GPC5: variants seen among roughly 807,000 people sequenced by gnomAD.
The protein encoded by GPC5 is glypican 5.
In GPC5, 47 loss-of-function variants were observed where a neutral mutation model predicts 53.9. That is an observed-to-expected ratio of 0.87 (90% CI 0.69 to 1.11). The LOEUF is 1.11. Among genes scored for constraint, GPC5 ranks in the 50% most tolerant of loss-of-function variants. GPC5 has a pLI of 0.00. For missense variants in GPC5, 748 were observed against 713.1 expected (o/e 1.05, Z -0.56); for synonymous variants, 286 against 263.3 (o/e 1.09, Z -0.84).
chr13:92,656,875 G>A (rs1156322549), intron 7 of GPC5, among the ~76,000 whole-genome samples: 1 of 152,204 alleles, frequency 6.6e-6, no homozygotes, highest in Non-Finnish European at 1.5e-5. Flanking sequence ...AGGATGGCTT[G>A]AGCCCAAGTG....
At chr13:91,788,258 C>T (rs345448) in intron 5 of GPC5, among the ~76,000 whole-genome samples, 47,662 of 152,056 alleles carry the variant, frequency 0.31, 9,192 homozygotes, top group African/African-American at 0.53. Flanking sequence ...ATGGGCACGA[C>T]AGATTGATGT....
At chr13:91,650,762 T>TTTTTTTTTTTTTTTTTTTTTTC (rs2034687189) in intron 2 of GPC5, among the ~76,000 whole-genome samples, 1 of 149,712 alleles carries the variant, frequency 6.7e-6, no homozygotes, top group Non-Finnish European at 1.5e-5. Context: ...TTTTTTTTTT[T>TTTTTTTTTTTTTTTTTTTTTTC]TTTTTTTTTT....
intron 5 of GPC5, among the ~76,000 whole-genome samples, chr13:91,783,502 C>T (rs1378105527): frequency 6.6e-6 from 1 of 152,080 alleles, no homozygotes; most frequent in Non-Finnish European, 1.5e-5. Flanking sequence ...GGAACAACCT[C>T]GGCTAACTGC....
intron 2 of GPC5, among the ~76,000 whole-genome samples, chr13:91,534,939 T>G (rs1046957357): frequency 6.6e-6 from 1 of 152,212 alleles, no homozygotes; most frequent in African/African-American, 2.4e-5. Flanking sequence ...TAAGTGCCAT[T>G]CTAAATATGT....
intron 7 of GPC5, among the ~76,000 whole-genome samples, chr13:92,855,319 G>T (rs1331013110): frequency 6.6e-6 from 1 of 151,884 alleles, no homozygotes; most frequent in Non-Finnish European, 1.5e-5. Context: ...GGTTAACTTT[G>T]AATTTTTAAT....
chr13:92,111,150 G>T (rs2041553613), intron 6 of GPC5, among the ~76,000 whole-genome samples: 1 of 152,110 alleles, frequency 6.6e-6, no homozygotes, highest in African/African-American at 2.4e-5. Flanking sequence ...GAGGCTTCAT[G>T]ATATCACAAA....
chr13:92,861,432 G>A (rs2138855638), intron 7 of GPC5, among the ~76,000 whole-genome samples: 1 of 152,144 alleles, frequency 6.6e-6, no homozygotes, highest in South Asian at 2.1e-4. Flanking sequence ...TTTAACACCT[G>A]GACAATAGAT....
chr13:92,723,163 A>G (rs555552136), intron 7 of GPC5, among the ~76,000 whole-genome samples: 2 of 151,846 alleles, frequency 1.3e-5, no homozygotes, highest in South Asian at 4.1e-4. Context: ...AATTCGATAT[A>G]GCTATATGAA....
intron 2 of GPC5, among the ~76,000 whole-genome samples, chr13:91,679,082 G>A (rs1481261441): frequency 6.6e-6 from 1 of 152,168 alleles, no homozygotes; most frequent in Non-Finnish European, 1.5e-5. Context: ...TGAGGAACCA[G>A]TGGAAGCTCT....
At chr13:92,775,753 G>T (rs1235062366) in intron 7 of GPC5, among the ~76,000 whole-genome samples, 3 of 152,080 alleles carry the variant, frequency 2.0e-5, no homozygotes, top group African/African-American at 7.2e-5. Context: ...TAAGAGTTCA[G>T]TTCTAAAGTC....
intron 7 of GPC5, among the ~76,000 whole-genome samples, chr13:92,248,824 G>T (rs1378868957): frequency 1.3e-5 from 2 of 151,970 alleles, no homozygotes; most frequent in African/African-American, 4.8e-5. Context: ...TTGCTCGTTT[G>T]TGTGTTTTTT....
intron 2 of GPC5, among the ~76,000 whole-genome samples, chr13:91,610,037 T>C (rs1442299855): frequency 6.6e-6 from 1 of 152,244 alleles, no homozygotes; most frequent in African/African-American, 2.4e-5. Flanking sequence ...ACTTTCAGTT[T>C]ACCATGTGTG....
chr13:92,831,946 A>G (rs994150968), intron 7 of GPC5, among the ~76,000 whole-genome samples: 3 of 152,172 alleles, frequency 2.0e-5, no homozygotes, highest in Non-Finnish European at 4.4e-5. Context: ...ACATGCACTC[A>G]TCCCTAAATC....
At chr13:92,102,550 A>C (rs1016858820) in intron 6 of GPC5, among the ~76,000 whole-genome samples, 9 of 152,158 alleles carry the variant, frequency 5.9e-5, no homozygotes, top group Admixed American at 3.3e-4. Flanking sequence ...CTTTTCCTAA[A>C]ATGAGAGGAA....
intron 2 of GPC5, among the ~76,000 whole-genome samples, chr13:91,576,201 T>C (rs555100314): frequency 1.8e-4 from 27 of 152,058 alleles, no homozygotes; most frequent in Non-Finnish European, 3.5e-4. Flanking sequence ...AAGGTAGCTA[T>C]GACTAATAGC....
chr13:91,656,252 G>C (rs1421881884), intron 2 of GPC5, among the ~76,000 whole-genome samples: 1 of 152,174 alleles, frequency 6.6e-6, no homozygotes, highest in Non-Finnish European at 1.5e-5. Context: ...TGTGCTTTCT[G>C]TAGATGTAAA....
At chr13:91,948,625 C>T (rs2039998109) in intron 6 of GPC5, among the ~76,000 whole-genome samples, 1 of 152,130 alleles carries the variant, frequency 6.6e-6, no homozygotes, top group African/African-American at 2.4e-5. Flanking sequence ...CCCATGAGTT[C>T]ATAAAATATG....
intron 7 of GPC5, among the ~76,000 whole-genome samples, chr13:92,622,095 C>G (rs1245982081): frequency 1.3e-5 from 2 of 152,082 alleles, no homozygotes; most frequent in Non-Finnish European, 2.9e-5. Context: ...GATGGTTTGC[C>G]ACAGCTTCCA....
At chr13:92,265,914 C>CT (rs1386576531) in intron 7 of GPC5, among the ~76,000 whole-genome samples, 1 of 152,142 alleles carries the variant, frequency 6.6e-6, no homozygotes, top group Non-Finnish European at 1.5e-5. Flanking sequence ...GGGCTTCTTG[C>CT]TACATCATCC....
Sources: gnomAD v4.1 joint callset for allele counts (sites outside exome capture counted in the v4.1 genomes callset) on GRCh38, gnomAD v4.1.1 for gene constraint, MANE v1.5 for transcripts, NCBI Gene and HGNC (gene_info 2026-07-23, HGNC 2026-07-21) for gene names.